VWA3B: variants seen among roughly 807,000 people sequenced by gnomAD.
VWA3B encodes the protein von Willebrand factor A domain containing 3B.
In VWA3B, 138 loss-of-function variants were observed where a neutral mutation model predicts 158.3. The observed-to-expected ratio is 0.87, with a 90% CI of 0.76 to 1.00. VWA3B has a LOEUF of 1.00. Among genes scored for constraint, VWA3B ranks in the 50% least tolerant of loss-of-function variants. The probability of loss-of-function intolerance (pLI) is 0.00; values close to 1 mark genes in which losing one functional copy is unlikely to be tolerated. For missense variants in VWA3B, 1,555 were observed against 1,565.1 expected (o/e 0.99, Z 0.11); for synonymous variants, 596 against 587.3 (o/e 1.01, Z -0.21).
At chr2:98,155,901 A>G (rs1415471796) in intron 7 of VWA3B, among the ~76,000 whole-genome samples, 2 of 152,028 alleles carry the variant, frequency 1.3e-5, no homozygotes, top group African/African-American at 4.8e-5. Flanking sequence ...TTTTTTCTCC[A>G]AGAATATTTT....
intron 14 of VWA3B, among the ~76,000 whole-genome samples, chr2:98,220,114 A>C (rs907078142): frequency 3.4e-5 from 5 of 146,072 alleles, no homozygotes; most frequent in African/African-American, 1.3e-4. Context: ...CAGTGAGCCG[A>C]GATCACACCA....
intron 7 of VWA3B, among the ~76,000 whole-genome samples, chr2:98,149,877 C>A (rs914912362): frequency 1.3e-5 from 2 of 152,202 alleles, no homozygotes; most frequent in Non-Finnish European, 2.9e-5. Flanking sequence ...ACCTAAATTA[C>A]TAAAGCCTAG....
At chr2:98,290,414 C>A (rs1220576748) in intron 22 of VWA3B, 97 bp from the exon 23 acceptor site, 10 of 921,938 alleles carry the variant, frequency 1.1e-5, no homozygotes, top group Non-Finnish European at 1.6e-5. Context: ...GATGGGGACA[C>A]AGAGCCAAAC....
chr2:98,187,593 A>T (rs767009906), intron 9 of VWA3B, among the ~76,000 whole-genome samples: 38 of 151,626 alleles, frequency 2.5e-4, no homozygotes, highest in Non-Finnish European at 4.1e-4. Context: ...ACCCAGTGCC[A>T]GGGACTGAGT....
chr2:98,101,671 C>G (rs1683081314), intron 2 of VWA3B, among the ~76,000 whole-genome samples: 1 of 152,134 alleles, frequency 6.6e-6, no homozygotes, highest in African/African-American at 2.4e-5. Context: ...AGGCCTTGTT[C>G]TTCAGGGCTC....
chr2:98,243,445 T>C (rs1686204348), intron 19 of VWA3B, among the ~76,000 whole-genome samples: 1 of 152,054 alleles, frequency 6.6e-6, no homozygotes, highest in African/African-American at 2.4e-5. Context: ...GCAATTCTCC[T>C]GCCTCAGCCT....
intron 12 of VWA3B, among the ~76,000 whole-genome samples, chr2:98,209,645 C>CT (rs1281280055): frequency 7.2e-5 from 11 of 152,132 alleles, no homozygotes; most frequent in South Asian, 2.1e-4. Flanking sequence ...TCTTTCCCCT[C>CT]TTTTTTCTGA....
chr2:98,230,471 T>C (rs1037507833), intron 16 of VWA3B, among the ~76,000 whole-genome samples: 13 of 152,198 alleles, frequency 8.5e-5, no homozygotes, highest in Non-Finnish European at 1.5e-4. Context: ...ACAGGTCTTA[T>C]TCAAATCGTC....
rs902990047 is a variant in VWA3B at position 98,125,535 on chromosome 2, T to C, written c.703-2704T>C. 3.3e-5 allele frequency among the ~76,000 whole-genome samples: 5 copies of C among 152,222 alleles called. No homozygotes were observed. Among genetic ancestry groups the C allele is most frequent in the Non-Finnish European group, 5.9e-5 (4 of 68,038 alleles). Reference sequence around the variant, plus strand: ...TGCTCCACAGGACTGTTGTATTGAGTGAGATAATTCATTTTAGTTTATCAT... The same window carrying C: ...TGCTCCACAGGACTGTTGTATTGAGCGAGATAATTCATTTTAGTTTATCAT... On this transcript the variant is annotated intron_variant, in intron 5 of 27. Coordinates refer to ENST00000477737, the MANE Select transcript of VWA3B (RefSeq NM_144992.5). The surrounding 1 kb of genome is among the most constrained non-coding windows in gnomAD (Gnocchi z 4.1).
chr2:98,183,059 T>A (rs1680725155), intron 9 of VWA3B, among the ~76,000 whole-genome samples: 1 of 152,218 alleles, frequency 6.6e-6, no homozygotes, highest in Non-Finnish European at 1.5e-5. Flanking sequence ...TTCTTGTCAA[T>A]TTTAAATGAA....
At chr2:98,285,546 C>T (rs903259371) in intron 22 of VWA3B, among the ~76,000 whole-genome samples, 2 of 151,562 alleles carry the variant, frequency 1.3e-5, no homozygotes, top group Non-Finnish European at 2.9e-5. Context: ...TGTCAAAAAT[C>T]AATTGACTAT....
intron 12 of VWA3B, among the ~76,000 whole-genome samples, chr2:98,205,066 C>T (rs779282346): frequency 1.7e-4 from 26 of 152,208 alleles, no homozygotes; most frequent in Non-Finnish European, 3.1e-4. Flanking sequence ...GCTGAGATGG[C>T]GTCACTGCAC....
chr2:98,118,374 C>T (rs1674693338), intron 3 of VWA3B, among the ~76,000 whole-genome samples: 1 of 152,080 alleles, frequency 6.6e-6, no homozygotes, highest in African/African-American at 2.4e-5. Flanking sequence ...TGAGCCAAGC[C>T]ACAAAAATGT....
chr2:98,275,194 T>C (rs1435175278), intron 22 of VWA3B, among the ~76,000 whole-genome samples: 1 of 152,210 alleles, frequency 6.6e-6, no homozygotes, highest in Non-Finnish European at 1.5e-5. Context: ...CTTGTAGGCA[T>C]GCATACATAT....
downstream of VWA3B, among the ~76,000 whole-genome samples, chr2:98,315,383 G>A (rs1192558999): frequency 6.6e-6 from 1 of 152,130 alleles, no homozygotes; most frequent in Non-Finnish European, 1.5e-5. Context: ...CTATATAATA[G>A]GCCAGGATCA....
chr2:98,120,352 G>A (rs1446775559), intron 4 of VWA3B, among the ~76,000 whole-genome samples: 1 of 152,186 alleles, frequency 6.6e-6, no homozygotes, highest in African/African-American at 2.4e-5. Flanking sequence ...TCTGGATAAC[G>A]GTTGGGGAAG....
At chr2:98,289,643 G>A (rs969675212) in intron 22 of VWA3B, among the ~76,000 whole-genome samples, 17 of 152,144 alleles carry the variant, frequency 1.1e-4, no homozygotes, top group African/African-American at 3.9e-4. Flanking sequence ...GAGGTGGGCT[G>A]GGATATTGGA....
At chr2:98,302,125 G>C (rs1265198029) in intron 25 of VWA3B, among the ~76,000 whole-genome samples, 4 of 152,116 alleles carry the variant, frequency 2.6e-5, no homozygotes, top group Non-Finnish European at 5.9e-5. Context: ...CTCCAGCCAG[G>C]TGGAAGACTC....
At chr2:98,120,869 T>C (rs1017110159) in intron 4 of VWA3B, among the ~76,000 whole-genome samples, 2 of 152,216 alleles carry the variant, frequency 1.3e-5, no homozygotes, top group African/African-American at 2.4e-5. Flanking sequence ...GAAAACAATG[T>C]CATGAAAGAA....
Sources: gnomAD v4.1 joint callset for allele counts (sites outside exome capture counted in the v4.1 genomes callset) on GRCh38, gnomAD v4.1.1 for gene constraint, Gnocchi (gnomAD v3.1) non-coding constraint, MANE v1.5 for transcripts, NCBI Gene and HGNC (gene_info 2026-07-23, HGNC 2026-07-21) for gene names.